Variants in SMOC2 observed in about 807,000 individuals in gnomAD.
SMOC2 encodes the protein SPARC-related modular calcium-binding protein 2.
In SMOC2, 39 loss-of-function variants were observed where a neutral mutation model predicts 61.4. The observed-to-expected ratio is 0.64, with a 90% CI of 0.49 to 0.83. The LOEUF (loss-of-function observed/expected upper bound fraction) is 0.83, where lower values mean the gene tolerates loss of function less well. SMOC2 is among the 40% of genes least tolerant of loss of function. SMOC2 has a pLI of 0.00. For synonymous variants in SMOC2, 247 were observed against 239.9 expected, an observed-to-expected ratio of 1.03 and a Z score of -0.27; for missense variants, 556 against 592.9, an observed-to-expected ratio of 0.94 and a Z score of 0.65.
At chr6:168,546,097 A>C (rs1783989940) in intron 5 of SMOC2, among the ~76,000 whole-genome samples, 1 of 152,090 alleles carries the variant, frequency 6.6e-6, no homozygotes, top group Non-Finnish European at 1.5e-5. Flanking sequence ...TTTTCCCCCT[A>C]AAAAGTCTTA....
intron 11 of SMOC2, among the ~76,000 whole-genome samples, chr6:168,661,662 T>C (rs1259088955): frequency 6.6e-6 from 1 of 152,232 alleles, no homozygotes; most frequent in Non-Finnish European, 1.5e-5. Context: ...CAGCTACTTC[T>C]TTTTATAACT....
intron 7 of SMOC2, among the ~76,000 whole-genome samples, chr6:168,559,480 T>TA (rs1404154801): frequency 7.4e-4 from 112 of 150,364 alleles, no homozygotes; most frequent in African/African-American, 2.5e-3. Context: ...AAAATAAAAA[T>TA]AAAATAAAAT....
intron 1 of SMOC2, among the ~76,000 whole-genome samples, chr6:168,491,911 C>T (rs1782477655): frequency 6.6e-6 from 1 of 152,182 alleles, no homozygotes. Context: ...CTAACTACAT[C>T]GAAATATTAT....
intron 7 of SMOC2, among the ~76,000 whole-genome samples, chr6:168,578,170 T>A (rs924196520): frequency 6.6e-6 from 1 of 152,202 alleles, no homozygotes; most frequent in African/African-American, 2.4e-5. Context: ...CAGCTCCAGG[T>A]GGCAGGAAGC....
At chr6:168,483,961 A>AAG (rs1782271093) in intron 1 of SMOC2, among the ~76,000 whole-genome samples, 1 of 152,192 alleles carries the variant, frequency 6.6e-6, no homozygotes, top group South Asian at 2.1e-4. Context: ...TAATGACCTA[A>AAG]AGGTAAGACC....
rs945914234 is a variant in SMOC2 at position 168,475,943 on chromosome 6, G to A, written c.85-33972G>A. ...GCAGGTGGACCAGGAGGCGTGGAAG[G>A]GCTGAGGTTTGCTAACCGTAGTCCA... On this transcript the variant is annotated intron_variant, in intron 1 of 12. Transcript: ENST00000356284. This position sits in a 1 kb window ranked among gnomAD's most constrained non-coding sequence, Gnocchi z 4.6. 6.6e-6 allele frequency among the ~76,000 whole-genome samples: 1 copy of A among 150,716 alleles called. No homozygotes were observed. Among genetic ancestry groups the A allele is most frequent in the Non-Finnish European group, 1.5e-5 (1 of 67,012 alleles).
intron 1 of SMOC2, among the ~76,000 whole-genome samples, chr6:168,506,326 G>T (rs567016110): frequency 8.6e-4 from 131 of 152,278 alleles, no homozygotes; most frequent in Non-Finnish European, 1.6e-3. Context: ...GTGAGCCACT[G>T]CACCTGGCCT....
intron 1 of SMOC2, among the ~76,000 whole-genome samples, chr6:168,461,055 T>C (rs966797992): frequency 3.3e-5 from 5 of 152,194 alleles, no homozygotes; most frequent in African/African-American, 4.8e-5. Context: ...GATAAAGGCA[T>C]ATCCAGTACT....
At chr6:168,658,777 G>A (rs1787391337) in intron 11 of SMOC2, among the ~76,000 whole-genome samples, 1 of 152,144 alleles carries the variant, frequency 6.6e-6, no homozygotes, top group Admixed American at 6.5e-5. Flanking sequence ...TTAAGAAGAT[G>A]TTCTGTTCTC....
At position 168,506,013 on chromosome 6, in the gene SMOC2, A is replaced by ATT. The variant is rs59850975; in HGVS notation, c.85-3890_85-3889dup. Among the ~76,000 whole-genome samples, 62 of 147,824 alleles carry ATT rather than the reference A, an allele frequency of 4.2e-4. 1 individual carries two copies. Among genetic ancestry groups the ATT allele is most frequent in the Admixed American group, 1.8e-3 (26 of 14,854 alleles). ...ATTTGGAAAGTGTGTGCTTTTGAGA[A>ATT]TTTTTTTTTTTTTGAGACAAGGTCT... On this transcript the variant is annotated intron_variant, in intron 1 of 12. Coordinates refer to ENST00000356284, the MANE Select transcript of SMOC2 (RefSeq NM_001166412.2).
At chr6:168,558,948 CGTGTGCATGT>C (rs1410686296) in intron 7 of SMOC2, among the ~76,000 whole-genome samples, 41 of 151,516 alleles carry the variant, frequency 2.7e-4, no homozygotes, top group African/African-American at 9.0e-4. Flanking sequence ...CGTGTGCATG[CGTGTGCATGT>C]GTGTGTACGT....
intron 11 of SMOC2, among the ~76,000 whole-genome samples, chr6:168,656,353 A>C (rs1787321702): frequency 6.6e-6 from 1 of 151,902 alleles, no homozygotes; most frequent in Non-Finnish European, 1.5e-5. Flanking sequence ...TCTACTAAAA[A>C]TATAAAAATT....
At chr6:168,556,115 C>T (rs1442572597) in intron 7 of SMOC2, among the ~76,000 whole-genome samples, 2 of 152,156 alleles carry the variant, frequency 1.3e-5, no homozygotes, top group South Asian at 4.1e-4. Context: ...CAGGCCTTCC[C>T]CTCCCCGCAC....
At chr6:168,558,895 A>G (rs1361712234) in intron 7 of SMOC2, among the ~76,000 whole-genome samples, 2 of 150,734 alleles carry the variant, frequency 1.3e-5, no homozygotes, top group African/African-American at 2.4e-5. Context: ...GTGCGTGTGC[A>G]TGTGTGTGCA....
chr6:168,512,005 A>C (rs1420669771), intron 2 of SMOC2, among the ~76,000 whole-genome samples: 2 of 152,074 alleles, frequency 1.3e-5, no homozygotes, highest in Non-Finnish European at 2.9e-5. Flanking sequence ...TGTGGAGCTT[A>C]AAGTCCCGTT....
intron 5 of SMOC2, among the ~76,000 whole-genome samples, chr6:168,543,892 A>C (rs1013420383): frequency 1.3e-5 from 2 of 152,000 alleles, no homozygotes; most frequent in Non-Finnish European, 2.9e-5. Context: ...CTGTGCTCCG[A>C]GGCTTGTTTC....
At chr6:168,633,466 A>G (rs775718933) in intron 9 of SMOC2, among the ~76,000 whole-genome samples, 2 of 152,192 alleles carry the variant, frequency 1.3e-5, no homozygotes, top group African/African-American at 4.8e-5. Flanking sequence ...CAGAGCTGCA[A>G]GGAAATAGGC....
intron 1 of SMOC2, among the ~76,000 whole-genome samples, chr6:168,493,141 A>G (rs1008184674): frequency 6.6e-6 from 1 of 152,052 alleles, no homozygotes; most frequent in Non-Finnish European, 1.5e-5. Flanking sequence ...GGTTCAGGCA[A>G]TTCTCCTGTC....
intron 9 of SMOC2, among the ~76,000 whole-genome samples, chr6:168,629,210 T>C (rs1164766996): frequency 2.6e-5 from 4 of 152,246 alleles, no homozygotes; most frequent in Non-Finnish European, 5.9e-5. Flanking sequence ...CACCACACTG[T>C]TGTTCCCTCA....
Sources: gnomAD v4.1 joint callset for allele counts (sites outside exome capture counted in the v4.1 genomes callset) on GRCh38, gnomAD v4.1.1 for gene constraint, Gnocchi (gnomAD v3.1) non-coding constraint, MANE v1.5 for transcripts, NCBI Gene and HGNC (gene_info 2026-07-23, HGNC 2026-07-21) for gene names.